NEK11: variants seen among roughly 807,000 people sequenced by gnomAD.
The protein encoded by NEK11 is NIMA related kinase 11.
NEK11 carries 72 observed loss-of-function variants against 80.7 expected under a neutral mutation model. That is an observed-to-expected ratio of 0.89 (90% CI 0.74 to 1.08). The LOEUF (loss-of-function observed/expected upper bound fraction) is 1.08. Ranked by LOEUF, NEK11 falls within the 50% of genes least tolerant of loss-of-function variation. The pLI is 0.00. For synonymous variants in NEK11, 251 were observed against 260.7 expected, an observed-to-expected ratio of 0.96 and a Z score of 0.36; for missense variants, 764 against 763.6, an observed-to-expected ratio of 1.00 and a Z score of -0.01.
intron 5 of NEK11, among the ~76,000 whole-genome samples, chr3:131,112,687 G>T (rs2080330229): frequency 6.6e-6 from 1 of 152,162 alleles, no homozygotes; most frequent in Non-Finnish European, 1.5e-5. Flanking sequence ...CTTCTTGGAA[G>T]AAGTAGCACT....
chr3:131,332,724 A>C (rs1420942548), intron 17 of NEK11, among the ~76,000 whole-genome samples: 2 of 152,094 alleles, frequency 1.3e-5, no homozygotes, highest in Non-Finnish European at 2.9e-5. Flanking sequence ...TTTGAAAAAA[A>C]TTTAGACGAA....
At chr3:131,308,727 A>G (rs761573864) in intron 17 of NEK11, among the ~76,000 whole-genome samples, 3 of 152,218 alleles carry the variant, frequency 2.0e-5, no homozygotes, top group Non-Finnish European at 2.9e-5. Context: ...TCAAGACTCA[A>G]TTTAAGTGTA....
chr3:131,308,690 A>G (rs1342839982), intron 17 of NEK11, among the ~76,000 whole-genome samples: 1 of 152,198 alleles, frequency 6.6e-6, no homozygotes, highest in Non-Finnish European at 1.5e-5. Flanking sequence ...ATAATTTGCA[A>G]AAGTTTATAC....
chr3:131,118,858 C>G (rs2081820265), intron 5 of NEK11, among the ~76,000 whole-genome samples: 3 of 151,934 alleles, frequency 2.0e-5, no homozygotes, highest in Admixed American at 6.6e-5. Context: ...TGATTCTTCT[C>G]TTTTTTCTTC....
At position 131,168,910 on chromosome 3, in the gene NEK11, T is replaced by A. The variant is rs1560761547; in HGVS notation, c.1257T>A (p.Asp419Glu). 1 of 1,613,768 alleles carries A rather than the reference T, an allele frequency of 6.2e-7. No individual in the cohort carries two copies. Among genetic ancestry groups the A allele is most frequent in the African/African-American group, 1.3e-5 (1 of 74,952 alleles). The change falls in exon 13 of 18, where the codon GAT becomes GAA. Residue 419 changes from aspartate (D) to glutamate (E), a missense_variant. Asp to Glu is a conservative substitution (Grantham distance 45). Coordinates refer to ENST00000383366, the MANE Select transcript of NEK11 (RefSeq NM_024800.5). Reference sequence around the variant, plus strand: ...TTTCTTGTTCACCCCAGGACGAGGATGAAGAGAGGTGGCAAGGCAGGGAAG... The same window carrying A: ...TTTCTTGTTCACCCCAGGACGAGGAAGAAGAGAGGTGGCAAGGCAGGGAAG... Reference protein sequence around the residue: ...GRLSCSPQDEDEERWQGREEE... With the variant: ...GRLSCSPQDEEEERWQGREEE...
At chr3:131,320,226 A>T (rs560282465) in intron 17 of NEK11, among the ~76,000 whole-genome samples, 13 of 152,278 alleles carry the variant, frequency 8.5e-5, no homozygotes, top group African/African-American at 2.9e-4. Flanking sequence ...TTCTAGTCAG[A>T]TCATCAGTAA....
At chr3:131,314,067 A>C (rs779473730) in intron 17 of NEK11, among the ~76,000 whole-genome samples, 5 of 152,004 alleles carry the variant, frequency 3.3e-5, no homozygotes, top group Non-Finnish European at 7.4e-5. Flanking sequence ...CTGATTGGTA[A>C]TCTCCAGATT....
intron 17 of NEK11, among the ~76,000 whole-genome samples, chr3:131,308,325 A>G (rs1334059596): frequency 6.6e-6 from 1 of 152,250 alleles, no homozygotes; most frequent in African/African-American, 2.4e-5. Context: ...ATAATAGTCA[A>G]GAAAGTCTTA....
chr3:131,215,389 T>C (rs2094798192), intron 14 of NEK11, among the ~76,000 whole-genome samples: 1 of 152,016 alleles, frequency 6.6e-6, no homozygotes, highest in Non-Finnish European at 1.5e-5. Flanking sequence ...GACCTGCACG[T>C]TGTGCACATG....
At chr3:131,033,810 T>G (rs78892062) in intron 3 of NEK11, among the ~76,000 whole-genome samples, 1 of 152,360 alleles carries the variant, frequency 6.6e-6, no homozygotes, top group South Asian at 2.1e-4. Flanking sequence ...TTACACTTGC[T>G]TGATGCATGT....
chr3:131,244,501 A>G (rs1239033124), intron 16 of NEK11, among the ~76,000 whole-genome samples: 1 of 152,042 alleles, frequency 6.6e-6, no homozygotes, highest in African/African-American at 2.4e-5. Flanking sequence ...CTCCTTAGAG[A>G]CCTCCAGGAT....
At chr3:131,336,056 T>C (rs1220565362) in intron 17 of NEK11, among the ~76,000 whole-genome samples, 1 of 152,214 alleles carries the variant, frequency 6.6e-6, no homozygotes, top group Non-Finnish European at 1.5e-5. Flanking sequence ...AGGCAATTTA[T>C]AGATTCAATG....
chr3:131,250,839 T>C (rs2095687113), intron 16 of NEK11, among the ~76,000 whole-genome samples: 1 of 152,056 alleles, frequency 6.6e-6, no homozygotes, highest in Admixed American at 6.6e-5. Context: ...TTAGAAGTTA[T>C]TAGAAAACTA....
chr3:131,248,914 A>G (rs2095651177), intron 16 of NEK11, among the ~76,000 whole-genome samples: 1 of 152,130 alleles, frequency 6.6e-6, no homozygotes, highest in South Asian at 2.1e-4. Context: ...GAATTTCTAT[A>G]AAAGATTGTG....
intron 14 of NEK11, among the ~76,000 whole-genome samples, chr3:131,195,443 T>G (rs1251845130): frequency 1.8e-5 from 1 of 54,380 alleles, no homozygotes; most frequent in Non-Finnish European, 8.1e-5. Context: ...TTGAAATGTC[T>G]GTTTGTCTTG....
At chr3:131,151,295 G>T (rs2089591618) in intron 7 of NEK11, among the ~76,000 whole-genome samples, 1 of 152,012 alleles carries the variant, frequency 6.6e-6, no homozygotes, top group Non-Finnish European at 1.5e-5. Flanking sequence ...ATAAGGGATT[G>T]TTGAGATATT....
intron 17 of NEK11, among the ~76,000 whole-genome samples, chr3:131,346,340 T>C (rs1386271195): frequency 6.6e-6 from 1 of 152,166 alleles, no homozygotes; most frequent in African/African-American, 2.4e-5. Context: ...AAATAAAATA[T>C]TTTTTAAAAG....
chr3:131,184,402 G>A (rs1046266068), intron 14 of NEK11, among the ~76,000 whole-genome samples: 26 of 152,120 alleles, frequency 1.7e-4, no homozygotes, highest in African/African-American at 5.8e-4. Flanking sequence ...AGTTTGAAAA[G>A]GACTGAGCTA....
intron 14 of NEK11, among the ~76,000 whole-genome samples, chr3:131,214,846 G>A (rs987474693): frequency 6.6e-6 from 1 of 152,020 alleles, no homozygotes; most frequent in Non-Finnish European, 1.5e-5. Flanking sequence ...ACTTAATTTA[G>A]CCCTCCAGAA....
Sources: gnomAD v4.1 joint callset for allele counts (sites outside exome capture counted in the v4.1 genomes callset) on GRCh38, gnomAD v4.1.1 for gene constraint, MANE v1.5 for transcripts, NCBI Gene and HGNC (gene_info 2026-07-23, HGNC 2026-07-21) for gene names.